Variants in BOP1 observed in about 807,000 individuals in gnomAD.
BOP1 encodes ribosome biogenesis protein BOP1.
BOP1 carries 54 observed loss-of-function variants against 82.9 expected under a neutral mutation model. That is an observed-to-expected ratio of 0.65 (90% CI 0.52 to 0.82). BOP1 has a LOEUF of 0.82. Among genes scored for constraint, BOP1 ranks in the 40% least tolerant of loss-of-function variants. The pLI is 0.00. For synonymous variants in BOP1, 566 were observed against 451.1 expected, an observed-to-expected ratio of 1.25 and a Z score of -3.23; for missense variants, 1,170 against 1,072.0, an observed-to-expected ratio of 1.09 and a Z score of -1.28.
chr8:144,264,026 C>A lies in BOP1; in HGVS notation c.1095G>T (p.Glu365Asp), dbSNP rs1845300072. Residue 365 changes from glutamate to aspartate, a missense_variant, in exon 8 of 16, where the codon GAG becomes GAT. Coordinates refer to ENST00000569669, the MANE Select transcript of BOP1 (RefSeq NM_015201.5). The part of the protein sequence containing the change: ...AYGRFIQERF[E>D]RCLDLYLCPR... ...GGCACAGGTACAGGTCAAGGCAGCG[C>A]TCGAAGCGTTCCTGGATGAAGCGTC... 6.2e-7 allele frequency: 1 copy of A among 1,608,826 alleles called. No homozygotes were observed. The highest frequency in any genetic ancestry group is 1.7e-5 in the Admixed American group (1 of 59,974).
At chr8:144,270,940 G>A (rs1037802620) in intron 3 of BOP1, among the ~76,000 whole-genome samples, 2 of 152,252 alleles carry the variant, frequency 1.3e-5, no homozygotes, top group African/African-American at 2.4e-5. Context: ...TCCTGTCCCC[G>A]GCCTGGGGAA....
chr8:144,274,917 G>C (rs775233621), intron 3 of BOP1, among the ~76,000 whole-genome samples: 61 of 152,226 alleles, frequency 4.0e-4, no homozygotes, highest in Non-Finnish European at 8.1e-4. Flanking sequence ...GCCCCTGGGA[G>C]GGGGAGGGGA....
chr8:144,285,298 T>C, intron 2 of BOP1, among the ~76,000 whole-genome samples: 1 of 152,092 alleles, frequency 6.6e-6, no homozygotes, highest in East Asian at 1.9e-4. Flanking sequence ...TGCTGCCTGA[T>C]GCCCAGCCCC....
At chr8:144,286,806 A>G (rs4977200) in intron 2 of BOP1, among the ~76,000 whole-genome samples, 98,263 of 151,948 alleles carry the variant, frequency 0.65, 32,010 homozygotes, top group Admixed American at 0.72. Context: ...GGTACTTTGG[A>G]AAACACCCTG....
At chr8:144,282,917 G>A (rs569282548) in intron 2 of BOP1, among the ~76,000 whole-genome samples, 52 of 152,052 alleles carry the variant, frequency 3.4e-4, no homozygotes, top group African/African-American at 1.1e-3. Context: ...GGCCAGGTGC[G>A]GTGGCTCACG....
At chr8:144,278,698 AGC>A (rs1391683356) in intron 2 of BOP1, among the ~76,000 whole-genome samples, 69 of 152,290 alleles carry the variant, frequency 4.5e-4, no homozygotes, top group Admixed American at 1.6e-3. Flanking sequence ...AAGACAACCC[AGC>A]GCTGCACCAC....
intron 3 of BOP1, among the ~76,000 whole-genome samples, chr8:144,275,968 A>G (rs1372084821): frequency 6.6e-6 from 1 of 151,726 alleles, no homozygotes; most frequent in Non-Finnish European, 1.5e-5. Context: ...ACACAGGGGC[A>G]TGGAGCCACA....
In BOP1 at chr8:144,280,813, T is replaced by C. The variant is rs146595283; in HGVS notation, c.310-4509A>G. On this transcript the variant is annotated intron_variant, in intron 2 of 15. Coordinates refer to ENST00000569669, the MANE Select transcript of BOP1 (RefSeq NM_015201.5). ...ACTGCAGTGAGCTGAGATCAGGCTA[T>C]TGCACTCCAGCCCGGGTGACAGACA... 6.8e-3 allele frequency among the ~76,000 whole-genome samples: 1,040 copies of C among 152,092 alleles called. 6 individuals are homozygous for C. Among genetic ancestry groups the C allele is most frequent in the Middle Eastern group, 0.02 (6 of 294 alleles).
chr8:144,275,781 G>A (rs896616623), intron 3 of BOP1, among the ~76,000 whole-genome samples: 34 of 152,058 alleles, frequency 2.2e-4, no homozygotes, highest in African/African-American at 4.3e-4. Flanking sequence ...TGTTCTGCCC[G>A]CCTGGCCCCC....
chr8:144,286,256 T>C (rs1554839452), intron 2 of BOP1, among the ~76,000 whole-genome samples: 1 of 152,224 alleles, frequency 6.6e-6, no homozygotes, highest in African/African-American at 2.4e-5. Flanking sequence ...AGGATCACAC[T>C]TTAGAACTGA....
chr8:144,272,149 G>A (rs1259294198), intron 3 of BOP1, among the ~76,000 whole-genome samples: 1 of 151,980 alleles, frequency 6.6e-6, no homozygotes, highest in Non-Finnish European at 1.5e-5. Flanking sequence ...CAGGCTTGGG[G>A]CATGACACCC....
At chr8:144,282,412 G>C (rs1468572992) in intron 2 of BOP1, among the ~76,000 whole-genome samples, 3 of 152,194 alleles carry the variant, frequency 2.0e-5, no homozygotes, top group Non-Finnish European at 4.4e-5. Context: ...AGGCAGGACT[G>C]CCAGGCCCAA....
chr8:144,290,712 G>A (rs548229717), intron 1 of BOP1, among the ~76,000 whole-genome samples: 5 of 152,322 alleles, frequency 3.3e-5, no homozygotes, highest in African/African-American at 1.2e-4. Context: ...GCTTCACAAA[G>A]CAATGGGGCA....
intron 3 of BOP1, chr8:144,265,395 T>G: frequency 2.1e-6 from 1 of 471,890 alleles, no homozygotes; most frequent in Non-Finnish European, 3.8e-6. Context: ...GATGACCTCA[T>G]CACCCACGGG....
chr8:144,286,740 C>A (rs1554839518), intron 2 of BOP1, among the ~76,000 whole-genome samples: 1 of 152,222 alleles, frequency 6.6e-6, no homozygotes, highest in East Asian at 1.9e-4. Flanking sequence ...ACCAGCCCGG[C>A]CGGCCTTGCC....
At chr8:144,279,444 G>C (rs1845634616) in intron 2 of BOP1, among the ~76,000 whole-genome samples, 1 of 152,166 alleles carries the variant, frequency 6.6e-6, no homozygotes. Flanking sequence ...CCACAGACCA[G>C]AGACCACTCC....
chr8:144,269,895 G>A (rs1417609471), intron 3 of BOP1, among the ~76,000 whole-genome samples: 3 of 152,256 alleles, frequency 2.0e-5, no homozygotes, highest in East Asian at 1.9e-4. Flanking sequence ...TGGCCAGGCC[G>A]GGCACTCTGC....
At chr8:144,270,308 G>A (rs897605310) in intron 3 of BOP1, among the ~76,000 whole-genome samples, 4 of 152,188 alleles carry the variant, frequency 2.6e-5, no homozygotes, top group Non-Finnish European at 4.4e-5. Flanking sequence ...AGGGGAAAGA[G>A]ACGTCAGAGC....
At chr8:144,279,410 A>G (rs1554838676) in intron 2 of BOP1, among the ~76,000 whole-genome samples, 1 of 152,074 alleles carries the variant, frequency 6.6e-6, no homozygotes, top group East Asian at 1.9e-4. Flanking sequence ...ACCACCAGCC[A>G]TGTGCTCAGC....
Sources: allele counts gnomAD v4.1 joint callset (sites outside exome capture counted in the v4.1 genomes callset), GRCh38; gene constraint gnomAD v4.1.1; transcripts MANE v1.5; gene names NCBI Gene and HGNC (gene_info 2026-07-23, HGNC 2026-07-21).